LRRC4C: variants seen among roughly 807,000 people sequenced by gnomAD.
LRRC4C encodes leucine rich repeat containing 4C.
In LRRC4C, 5 loss-of-function variants were observed where a neutral mutation model predicts 33.6. The ratio of observed to expected loss-of-function variants is 0.15; its 90% confidence interval spans 0.08 to 0.31. The LOEUF (loss-of-function observed/expected upper bound fraction) is 0.31, where lower values mean the gene tolerates loss of function less well. LRRC4C is among the 10% of genes least tolerant of loss of function. LRRC4C has a pLI of 1.00. For synonymous variants in LRRC4C, 329 were observed against 302.0 expected (o/e 1.09, Z -0.93); for missense variants, 560 against 796.7 (o/e 0.70, Z 3.58).
rs938039890 is a variant in LRRC4C at position 41,296,720 on chromosome 11, A to AT, written c.-496+162710dup. Among the ~76,000 whole-genome samples, 30 of 151,152 alleles carry AT rather than the reference A, an allele frequency of 2.0e-4. No homozygotes were observed. The South Asian group carries it at 2.3e-3, about 12-fold the overall frequency. On this transcript the variant is annotated intron_variant, in intron 1 of 6. Coordinates refer to ENST00000528697, the MANE Select transcript of LRRC4C (RefSeq NM_001258419.2). The stretch of plus-strand genomic sequence containing the variant: ...AACTAAAGAAAGTACATTCCTTAGC[A>AT]TTTTTTTTTCTTTCTTATTTCTTAA...
At position 40,124,886 on chromosome 11, in the gene LRRC4C, T is replaced by C. The variant is rs1449103630; in HGVS notation, c.-42-8552A>G. Among the ~76,000 whole-genome samples the C allele has an allele frequency of 5.3e-5, 8 of 152,106 alleles. No individual in the cohort carries two copies. In the East Asian group the frequency reaches 1.5e-3, roughly 29 times the overall value. On this transcript the variant is annotated intron_variant, in intron 6 of 6. Coordinates refer to ENST00000528697, the MANE Select transcript of LRRC4C (RefSeq NM_001258419.2). The stretch of plus-strand genomic sequence containing the variant: ...ATCCTAATGTGATTATTACGCATTG[T>C]ATGCCTGTATCAAAGTATCTTATGT...
chr11:40,768,601 C>A (rs1414898010), intron 2 of LRRC4C, among the ~76,000 whole-genome samples: 4 of 152,054 alleles, frequency 2.6e-5, no homozygotes, highest in Admixed American at 1.3e-4. Context: ...AAAACACTGA[C>A]AAACCAAATT....
intron 1 of LRRC4C, among the ~76,000 whole-genome samples, chr11:41,435,457 T>C (rs1390549047): frequency 6.6e-6 from 1 of 152,206 alleles, no homozygotes; most frequent in Non-Finnish European, 1.5e-5. Flanking sequence ...TCAATACCGA[T>C]ACAATAAGAT....
intron 1 of LRRC4C, among the ~76,000 whole-genome samples, chr11:41,113,648 G>A (rs1415759190): frequency 6.6e-6 from 1 of 152,094 alleles, no homozygotes; most frequent in Non-Finnish European, 1.5e-5. Flanking sequence ...TCTCTACCAA[G>A]CAATCTGAGC....
chr11:40,387,833 A>G (rs184251504), intron 3 of LRRC4C, among the ~76,000 whole-genome samples: 4 of 152,306 alleles, frequency 2.6e-5, no homozygotes, highest in Admixed American at 2.0e-4. Context: ...CTGACCTTCA[A>G]ACCTGAAGTT....
chr11:41,437,634 A>C (rs1194669707), intron 1 of LRRC4C, among the ~76,000 whole-genome samples: 1 of 152,150 alleles, frequency 6.6e-6, no homozygotes, highest in African/African-American at 2.4e-5. Context: ...GTATTTGTTA[A>C]GATTTTCCTT....
intron 1 of LRRC4C, among the ~76,000 whole-genome samples, chr11:41,184,834 G>T (rs1205817794): frequency 6.7e-6 from 1 of 148,916 alleles, no homozygotes; most frequent in Non-Finnish European, 1.5e-5. Context: ...AAAAAAAAAA[G>T]GTTTAATGGA....
intron 3 of LRRC4C, among the ~76,000 whole-genome samples, chr11:40,431,256 G>A (rs564711802): frequency 6.6e-6 from 1 of 151,504 alleles, no homozygotes; most frequent in Non-Finnish European, 1.5e-5. Flanking sequence ...GTGAAACACT[G>A]TCTCTACTAA....
At chr11:41,260,334 C>A (rs1031641621) in intron 1 of LRRC4C, among the ~76,000 whole-genome samples, 2 of 151,998 alleles carry the variant, frequency 1.3e-5, no homozygotes, top group African/African-American at 4.8e-5. Context: ...TTTAAAGACA[C>A]TGGATCATTT....
At chr11:41,032,121 G>A (rs1255275995) in intron 1 of LRRC4C, among the ~76,000 whole-genome samples, 4 of 151,972 alleles carry the variant, frequency 2.6e-5, no homozygotes, top group Admixed American at 2.6e-4. Context: ...GAATTTTTGG[G>A]GAAAGCTGCA....
At chr11:41,360,736 T>C (rs1325974940) in intron 1 of LRRC4C, among the ~76,000 whole-genome samples, 1 of 152,114 alleles carries the variant, frequency 6.6e-6, no homozygotes, top group African/African-American at 2.4e-5. Context: ...ATAAGGCCCA[T>C]ATTGTTGAAG....
At chr11:40,719,591 C>T (rs188668402) in intron 2 of LRRC4C, among the ~76,000 whole-genome samples, 41 of 152,224 alleles carry the variant, frequency 2.7e-4, no homozygotes, top group African/African-American at 8.9e-4. Context: ...AATTCTACTA[C>T]TGAGGATATA....
At chr11:41,033,062 T>C (rs1287594076) in intron 1 of LRRC4C, among the ~76,000 whole-genome samples, 1 of 152,028 alleles carries the variant, frequency 6.6e-6, no homozygotes, top group Non-Finnish European at 1.5e-5. Flanking sequence ...ACATACTTAA[T>C]TGTTAGTCTC....
At chr11:40,500,093 T>C (rs1954669397) in intron 3 of LRRC4C, among the ~76,000 whole-genome samples, 1 of 151,976 alleles carries the variant, frequency 6.6e-6, no homozygotes, top group Non-Finnish European at 1.5e-5. Context: ...CAGTGGTGCA[T>C]ACAGTTATGG....
At chr11:40,931,553 C>A (rs1254568004) in intron 2 of LRRC4C, among the ~76,000 whole-genome samples, 1 of 151,978 alleles carries the variant, frequency 6.6e-6, no homozygotes, top group Non-Finnish European at 1.5e-5. Flanking sequence ...TCTAAGTTCG[C>A]ATGCATATAT....
chr11:40,503,117 C>A (rs574314539), intron 3 of LRRC4C, among the ~76,000 whole-genome samples: 1 of 152,256 alleles, frequency 6.6e-6, no homozygotes, highest in East Asian at 1.9e-4. Context: ...CTGTTTCAAA[C>A]TTTTCCCTTT....
intron 3 of LRRC4C, among the ~76,000 whole-genome samples, chr11:40,383,924 AT>A (rs1565335994): frequency 1.7e-5 from 2 of 114,552 alleles, no homozygotes; most frequent in African/African-American, 1.3e-4. Flanking sequence ...AATTCAAATT[AT>A]TATTATTATT....
chr11:40,595,900 G>A (rs1392911922), intron 3 of LRRC4C, among the ~76,000 whole-genome samples: 2 of 152,184 alleles, frequency 1.3e-5, no homozygotes, highest in Non-Finnish European at 2.9e-5. Context: ...GGGGAAAGAA[G>A]TCTATAGCGA....
At chr11:40,192,082 G>C (rs1218100529) in intron 5 of LRRC4C, among the ~76,000 whole-genome samples, 2 of 152,056 alleles carry the variant, frequency 1.3e-5, no homozygotes, top group Non-Finnish European at 2.9e-5. Context: ...ATTAGACATT[G>C]ATATGATTGA....
Sources: allele counts gnomAD v4.1 joint callset (sites outside exome capture counted in the v4.1 genomes callset), GRCh38; gene constraint gnomAD v4.1.1; transcripts MANE v1.5; gene names NCBI Gene and HGNC (gene_info 2026-07-23, HGNC 2026-07-21).